LCLAT1: variants seen among roughly 807,000 people sequenced by gnomAD.
LCLAT1 encodes the protein lysocardiolipin acyltransferase 1, also known as 1-AGP acyltransferase 8.
LCLAT1 carries 11 observed loss-of-function variants against 30.7 expected under a neutral mutation model. That is an observed-to-expected ratio of 0.36 (90% confidence interval 0.23 to 0.59). LCLAT1 has a LOEUF of 0.59. Among genes scored for constraint, LCLAT1 ranks in the 20% least tolerant of loss-of-function variants. LCLAT1 has a pLI of 0.77. For synonymous variants in LCLAT1, 155 were observed against 151.3 expected, an observed-to-expected ratio of 1.02 and a Z score of -0.18; for missense variants, 402 against 458.6, an observed-to-expected ratio of 0.88 and a Z score of 1.13.
At chr2:30,477,158 G>A (rs746251678) in intron 1 of LCLAT1, among the ~76,000 whole-genome samples, 6 of 152,142 alleles carry the variant, frequency 3.9e-5, no homozygotes, top group Non-Finnish European at 5.9e-5. Flanking sequence ...GGTTTCTTTT[G>A]ATTTTCAGAG....
At chr2:30,605,809 C>T (rs1226577348) in intron 5 of LCLAT1, among the ~76,000 whole-genome samples, 2 of 152,168 alleles carry the variant, frequency 1.3e-5, no homozygotes, top group African/African-American at 4.8e-5. Context: ...GCACCAGGCA[C>T]TGGTTTTGTG....
intron 5 of LCLAT1, among the ~76,000 whole-genome samples, chr2:30,635,543 A>G (rs1197706702): frequency 1.3e-5 from 2 of 152,200 alleles, no homozygotes; most frequent in Non-Finnish European, 2.9e-5. Flanking sequence ...AAATTATAAT[A>G]TCATTCTAAA....
intron 1 of LCLAT1, among the ~76,000 whole-genome samples, chr2:30,460,201 C>G (rs1039629580): frequency 1.1e-4 from 16 of 152,146 alleles, no homozygotes; most frequent in African/African-American, 2.2e-4. Flanking sequence ...GAATAACTGA[C>G]AACTGATTCT....
intron 1 of LCLAT1, among the ~76,000 whole-genome samples, chr2:30,490,955 T>C (rs953291494): frequency 4.6e-5 from 7 of 152,238 alleles, no homozygotes; most frequent in Admixed American, 2.0e-4. Flanking sequence ...AGTATCTTGT[T>C]AATTATTTTG....
intron 4 of LCLAT1, among the ~76,000 whole-genome samples, chr2:30,564,424 T>C (rs184148912): frequency 2.6e-5 from 4 of 152,218 alleles, no homozygotes; most frequent in Admixed American, 2.6e-4. Flanking sequence ...TATGTAAAAC[T>C]TTTTTCATTC....
rs967464722 is a variant in LCLAT1, at chr2:30,566,007, A to G, written c.512-2053A>G. Among the ~76,000 whole-genome samples the G allele has an allele frequency of 3.3e-5, 5 of 152,334 alleles. No homozygotes were observed. In the East Asian group the frequency reaches 9.7e-4, roughly 29 times the overall value. ...TTTGAGAATAGCTGCTAGTAGTCCC[A>G]TGGGCGGAAGGAGTGTAGGAGTGGG... On this transcript the variant is annotated intron_variant, in intron 4 of 5. Transcript: ENST00000379509.
At chr2:30,571,238 A>G (rs951305605) in intron 5 of LCLAT1, among the ~76,000 whole-genome samples, 1 of 152,200 alleles carries the variant, frequency 6.6e-6, no homozygotes, top group Non-Finnish European at 1.5e-5. Flanking sequence ...TAGAAATTAA[A>G]TTCCCACTAG....
At position 30,447,273 on chromosome 2, in the gene LCLAT1, G is replaced by A. The variant is rs970163794; in HGVS notation, c.-115G>A. 8 of 151,976 alleles carry A rather than the reference G, an allele frequency of 5.3e-5. No homozygotes were observed. Among genetic ancestry groups the A allele is most frequent in the Non-Finnish European group, 8.8e-5 (6 of 68,018 alleles). The allele number at this position is 151,976 out of a possible 1,614,324, so 9.4% of individuals were successfully genotyped here. ...TAGGGCGACGGCCGGACGCCTCCGC[G>A]TTACGGGATGAATTAACGGCGGGTT... On this transcript the variant is annotated 5_prime_UTR_variant, in exon 1 of 6. Transcript: ENST00000379509.
chr2:30,547,827 G>C (rs1367919711), intron 3 of LCLAT1, among the ~76,000 whole-genome samples: 1 of 151,986 alleles, frequency 6.6e-6, no homozygotes, highest in Non-Finnish European at 1.5e-5. Flanking sequence ...TTGGTATTCT[G>C]TTATTTATAG....
At chr2:30,486,730 C>G (rs1683575554) in intron 1 of LCLAT1, among the ~76,000 whole-genome samples, 1 of 152,080 alleles carries the variant, frequency 6.6e-6, no homozygotes, top group Admixed American at 6.5e-5. Context: ...GTGTAGTGTT[C>G]CTCCACATTC....
chr2:30,583,893 A>C (rs1666311731), intron 5 of LCLAT1, among the ~76,000 whole-genome samples: 1 of 152,122 alleles, frequency 6.6e-6, no homozygotes, highest in Non-Finnish European at 1.5e-5. Context: ...CAAGAAGATA[A>C]GGGAAGGGCT....
intron 1 of LCLAT1, among the ~76,000 whole-genome samples, chr2:30,454,171 T>G (rs1372049893): frequency 6.6e-6 from 1 of 152,228 alleles, no homozygotes; most frequent in Admixed American, 6.5e-5. Flanking sequence ...CGGTAGCTAC[T>G]TAGGGTGAGT....
At chr2:30,590,975 G>T (rs555171318) in intron 5 of LCLAT1, among the ~76,000 whole-genome samples, 1 of 152,200 alleles carries the variant, frequency 6.6e-6, no homozygotes, top group East Asian at 1.9e-4. Flanking sequence ...CTTCAACTTC[G>T]AGGTAAAATT....
intron 1 of LCLAT1, among the ~76,000 whole-genome samples, chr2:30,468,194 A>G (rs2148286435): frequency 6.6e-6 from 1 of 152,314 alleles, no homozygotes. Context: ...ACCATTTATT[A>G]AATAGGGAAT....
chr2:30,627,701 T>C (rs1200813205), intron 5 of LCLAT1, among the ~76,000 whole-genome samples: 1 of 152,204 alleles, frequency 6.6e-6, no homozygotes, highest in Non-Finnish European at 1.5e-5. Flanking sequence ...TCTTTTTTCC[T>C]TTTAACTACA....
At chr2:30,626,570 G>T (rs1440649998) in intron 5 of LCLAT1, among the ~76,000 whole-genome samples, 1 of 152,016 alleles carries the variant, frequency 6.6e-6, no homozygotes, top group African/African-American at 2.4e-5. Context: ...GATCCATAGG[G>T]TTTAAGTATC....
rs528532450 is a variant in LCLAT1 at position 30,609,778 on chromosome 2, C to T, written c.629-30339C>T. ...TTAAAATTTTCTATTAACTTGTATT[C>T]GTTTCCTGTGTTATTACTTAACTTT... On this transcript the variant is annotated intron_variant, in intron 5 of 5. Coordinates refer to ENST00000379509, the MANE Select transcript of LCLAT1 (RefSeq NM_001002257.3). Among the ~76,000 whole-genome samples the T allele has an allele frequency of 1.1e-3, 166 of 152,090 alleles. 3 individuals carry two copies. Among genetic ancestry groups the T allele is most frequent in the African/African-American group, 2.9e-4 (12 of 41,444 alleles).
At chr2:30,479,141 G>A (rs1683198248) in intron 1 of LCLAT1, among the ~76,000 whole-genome samples, 1 of 152,134 alleles carries the variant, frequency 6.6e-6, no homozygotes, top group Admixed American at 6.5e-5. Context: ...AACAATTGTG[G>A]CACTTACTTA....
intron 1 of LCLAT1, among the ~76,000 whole-genome samples, chr2:30,472,913 G>T (rs1291172295): frequency 6.6e-6 from 1 of 152,048 alleles, no homozygotes; most frequent in Non-Finnish European, 1.5e-5. Context: ...TCACAGTGAT[G>T]AGGAAGAAAA....
Sources: gnomAD v4.1 joint callset for allele counts (sites outside exome capture counted in the v4.1 genomes callset) on GRCh38, gnomAD v4.1.1 for gene constraint, MANE v1.5 for transcripts, NCBI Gene and HGNC (gene_info 2026-07-23, HGNC 2026-07-21) for gene names.